Variants in CTNNA3 observed in about 807,000 individuals in gnomAD.
CTNNA3 encodes the protein catenin alpha 3, also known as catenin alpha-3.
Under a neutral mutation model 95.7 loss-of-function variants are expected in CTNNA3, and 76 were observed. The ratio of observed to expected loss-of-function variants is 0.79; its 90% CI spans 0.66 to 0.96. The LOEUF is 0.96. Among genes scored for constraint, CTNNA3 ranks in the 40% least tolerant of loss-of-function variants. The pLI, the probability that CTNNA3 is intolerant of heterozygous loss-of-function variation, is 0.00. For synonymous variants in CTNNA3, 431 were observed against 374.4 expected (o/e 1.15, Z -1.74); for missense variants, 1,191 against 1,089.8 (o/e 1.09, Z -1.31).
At chr10:66,483,495 A>G (rs1839615226) in intron 11 of CTNNA3, among the ~76,000 whole-genome samples, 1 of 152,282 alleles carries the variant, frequency 6.6e-6, no homozygotes, top group Non-Finnish European at 1.5e-5. Flanking sequence ...ACTAAGTTTT[A>G]CTTATTAAAA....
chr10:67,415,263 G>A (rs904731062), intron 5 of CTNNA3, among the ~76,000 whole-genome samples: 1 of 152,146 alleles, frequency 6.6e-6, no homozygotes, highest in Non-Finnish European at 1.5e-5. Flanking sequence ...CCTAAAGACT[G>A]CTAAAAGGTT....
intron 15 of CTNNA3, among the ~76,000 whole-genome samples, chr10:66,008,775 G>A (rs1038578904): frequency 6.6e-6 from 1 of 151,998 alleles, no homozygotes; most frequent in African/African-American, 2.4e-5. Flanking sequence ...ATTCCCTCAG[G>A]AGAAATTTGT....
chr10:66,790,124 A>C lies in CTNNA3; in HGVS notation c.1048-14600T>G, dbSNP rs180807935. 2.0e-5 allele frequency among the ~76,000 whole-genome samples: 3 copies of C among 152,274 alleles called. No individual in the cohort carries two copies. In the East Asian group the frequency reaches 5.8e-4, roughly 29 times the overall value. On this transcript the variant is annotated intron_variant, in intron 7 of 17. Transcript: ENST00000433211. Reference sequence around the variant, plus strand: ...AGGACTATGACTCTATAGACTAAAAATACTCAAGTTAAAGAAAGCTAACAG... The same window carrying C: ...AGGACTATGACTCTATAGACTAAAACTACTCAAGTTAAAGAAAGCTAACAG...
At chr10:66,628,031 C>T (rs1039709279) in intron 9 of CTNNA3, among the ~76,000 whole-genome samples, 5 of 152,020 alleles carry the variant, frequency 3.3e-5, no homozygotes, top group African/African-American at 7.2e-5. Flanking sequence ...CGCATTATAG[C>T]GAATTCTCCT....
intron 16 of CTNNA3, among the ~76,000 whole-genome samples, chr10:65,971,520 A>T (rs1466741906): frequency 1.3e-5 from 2 of 151,946 alleles, no homozygotes; most frequent in African/African-American, 4.8e-5. Flanking sequence ...AATACAAAAG[A>T]GCCTCAGAAA....
intron 2 of CTNNA3, among the ~76,000 whole-genome samples, chr10:67,609,860 C>G (rs1296954706): frequency 6.6e-6 from 1 of 152,036 alleles, no homozygotes; most frequent in Non-Finnish European, 1.5e-5. Context: ...TGGCAGTTAG[C>G]AAAGCTCATT....
intron 9 of CTNNA3, among the ~76,000 whole-genome samples, chr10:66,729,071 C>T (rs2132659501): frequency 6.6e-6 from 1 of 152,224 alleles, no homozygotes; most frequent in East Asian, 1.9e-4. Context: ...AGTGTGTGGT[C>T]TTATTTCTGA....
At chr10:66,329,941 G>C (rs903046875) in intron 12 of CTNNA3, among the ~76,000 whole-genome samples, 1 of 151,966 alleles carries the variant, frequency 6.6e-6, no homozygotes, top group African/African-American at 2.4e-5. Context: ...TTGTGGAATT[G>C]AATTTTTACC....
chr10:66,313,489 G>T (rs753355966), intron 12 of CTNNA3, among the ~76,000 whole-genome samples: 1 of 152,150 alleles, frequency 6.6e-6, no homozygotes, highest in Non-Finnish European at 1.5e-5. Context: ...CAAGGCGTTT[G>T]CTGCTGTTGA....
chr10:65,962,666 C>T (rs2077871196), intron 17 of CTNNA3, among the ~76,000 whole-genome samples: 1 of 152,030 alleles, frequency 6.6e-6, no homozygotes, highest in African/African-American at 2.4e-5. Context: ...ATCAACCCAT[C>T]ACCTACATTA....
At chr10:66,188,260 C>G (rs1373734899) in intron 13 of CTNNA3, among the ~76,000 whole-genome samples, 1 of 152,082 alleles carries the variant, frequency 6.6e-6, no homozygotes, top group African/African-American at 2.4e-5. Context: ...ATCAAGTGTA[C>G]TAGCATACTT....
chr10:66,609,484 CA>C (rs1441990356), intron 10 of CTNNA3, among the ~76,000 whole-genome samples: 4 of 150,428 alleles, frequency 2.7e-5, no homozygotes, highest in Non-Finnish European at 5.9e-5. Flanking sequence ...TACATGTGGC[CA>C]AAAAAATATG....
chr10:65,982,656 AT>A (rs2078344070), intron 16 of CTNNA3, among the ~76,000 whole-genome samples: 1 of 150,922 alleles, frequency 6.6e-6, no homozygotes, highest in Non-Finnish European at 1.5e-5. Context: ...ATATATATAT[AT>A]AAATGTGGTA....
chr10:66,933,643 A>G (rs1182612830), intron 7 of CTNNA3, among the ~76,000 whole-genome samples: 1 of 152,192 alleles, frequency 6.6e-6, no homozygotes, highest in Non-Finnish European at 1.5e-5. Context: ...CCAGTGGAAG[A>G]CTGTGCCCAA....
At chr10:67,570,086 G>A (rs930690280) in intron 3 of CTNNA3, among the ~76,000 whole-genome samples, 1 of 151,626 alleles carries the variant, frequency 6.6e-6, no homozygotes, top group Non-Finnish European at 1.5e-5. Flanking sequence ...GACCTGTTCT[G>A]CTTGGTGTAT....
intron 10 of CTNNA3, among the ~76,000 whole-genome samples, chr10:66,601,693 T>G (rs1843929611): frequency 1.3e-5 from 2 of 151,932 alleles, no homozygotes; most frequent in South Asian, 4.1e-4. Flanking sequence ...TTACAGAATA[T>G]TGCTAACAAA....
intron 12 of CTNNA3, among the ~76,000 whole-genome samples, chr10:66,303,306 G>GA (rs934674072): frequency 2.0e-5 from 3 of 151,674 alleles, no homozygotes; most frequent in Admixed American, 2.0e-4. Flanking sequence ...TATTCTGGAA[G>GA]AAAAAAAAGA....
rs146046385 is a variant in CTNNA3 at position 67,149,759 on chromosome 10, A to C, written c.1047+30558T>G. On this transcript the variant is annotated intron_variant, in intron 7 of 17. Coordinates refer to ENST00000433211, the MANE Select transcript of CTNNA3 (RefSeq NM_013266.4). ...ATAAATAAAAGTATATAAAATGCAT[A>C]GCTCAGTGCCTGGTCCATAGTCAAT... Among the ~76,000 whole-genome samples, 126 of 152,314 alleles carry C rather than the reference A, an allele frequency of 8.3e-4. No homozygotes were observed. The East Asian group carries it at 0.021, about 25-fold the overall frequency.
At chr10:67,301,085 T>G (rs1840248257) in intron 5 of CTNNA3, among the ~76,000 whole-genome samples, 1 of 152,232 alleles carries the variant, frequency 6.6e-6, no homozygotes, top group Non-Finnish European at 1.5e-5. Context: ...AGGAGTTAGA[T>G]TTAGGGCCAG....
Sources: allele counts gnomAD v4.1 joint callset (sites outside exome capture counted in the v4.1 genomes callset), GRCh38; gene constraint gnomAD v4.1.1; transcripts MANE v1.5; gene names NCBI Gene and HGNC (gene_info 2026-07-23, HGNC 2026-07-21).